The following AGXT2 variants were observed in gnomAD, a reference collection of about 807,000 sequenced individuals.
The protein encoded by AGXT2 is alanine--glyoxylate aminotransferase 2, mitochondrial.
Under a neutral mutation model 62.5 loss-of-function variants are expected in AGXT2, and 61 were observed. The observed-to-expected ratio is 0.98, with a 90% confidence interval of 0.79 to 1.21. The LOEUF (loss-of-function observed/expected upper bound fraction) is 1.21. AGXT2 is among the 50% of genes most tolerant of loss of function. AGXT2 has a pLI of 0.00. For missense variants in AGXT2, 666 were observed against 641.5 expected (o/e 1.04, Z -0.41); for synonymous variants, 243 against 218.7 (o/e 1.11, Z -0.98).
In AGXT2 at chr5:35,035,392, A is replaced by G. The variant is rs572256882; in HGVS notation, c.487-76T>C. 3 of 1,236,656 alleles carry G rather than the reference A, an allele frequency of 2.4e-6. No homozygotes were observed. The South Asian group carries it at 3.6e-5, about 15-fold the overall frequency. 76.6% of individuals were successfully genotyped at this position (1,236,656 alleles called of 1,614,324 possible). On this transcript the variant is annotated intron_variant, in intron 4 of 13. Coordinates refer to ENST00000231420, the MANE Select transcript of AGXT2 (RefSeq NM_031900.4). Reference sequence around the variant, plus strand: ...CATTCACTTAAAATTGCTGAAGGGCAGGTGTCCAGCCCCTGAGTATTAAGG... The same window carrying G: ...CATTCACTTAAAATTGCTGAAGGGCGGGTGTCCAGCCCCTGAGTATTAAGG...
At chr5:35,014,206 C>T (rs1405523107) in intron 9 of AGXT2, 87 bp from the exon 10 acceptor site, 30 of 1,570,986 alleles carry the variant, frequency 1.9e-5, no homozygotes, top group Non-Finnish European at 2.5e-5. Context: ...GTAATCCCAG[C>T]ACTTTAGGAG....
chr5:34,998,916 T>A, intron 13 of AGXT2, 90 bp from the exon 14 acceptor site: 4 of 960,008 alleles, frequency 4.2e-6, no homozygotes, highest in Non-Finnish European at 6.6e-6. Context: ...TCCAAAACCT[T>A]GTGTTTAGGA....
intron 9 of AGXT2, among the ~76,000 whole-genome samples, chr5:35,019,726 A>G (rs1235447663): frequency 6.6e-6 from 1 of 151,364 alleles, no homozygotes. Context: ...ACTAAAATCA[A>G]CAGAACTGAA....
At chr5:35,002,816 G>A (rs776090149) in intron 13 of AGXT2, among the ~76,000 whole-genome samples, 2 of 152,042 alleles carry the variant, frequency 1.3e-5, no homozygotes, top group African/African-American at 2.4e-5. Flanking sequence ...ATAAATGCGG[G>A]GACCGATGAG....
At chr5:35,040,400 C>T (rs553604026) in intron 2 of AGXT2, among the ~76,000 whole-genome samples, 175 bp downstream of exon 2, 21 of 152,294 alleles carry the variant, frequency 1.4e-4, no homozygotes, top group Non-Finnish European at 2.5e-4. Flanking sequence ...TATACACTAG[C>T]ATTAAGGGAT....
intron 7 of AGXT2, among the ~76,000 whole-genome samples, chr5:35,028,560 A>T (rs1483991668): frequency 5.2e-3 from 12 of 2,316 alleles, no homozygotes; most frequent in African/African-American, 1.0e-2. Context: ...AGGAAAGGTG[A>T]GAGAGAGAGA....
intron 9 of AGXT2, among the ~76,000 whole-genome samples, chr5:35,024,179 C>T (rs1383830892): frequency 1.3e-5 from 2 of 152,144 alleles, no homozygotes; most frequent in East Asian, 3.9e-4. Context: ...AGATGTGAGC[C>T]ACTGCGCCCA....
rs543042256 is a variant in AGXT2, at chr5:35,035,425, C to T, written c.487-109G>A. The T allele has an allele frequency of 4.7e-4, 411 of 878,386 alleles. 9 individuals carry two copies. In the South Asian group the frequency reaches 5.4e-3, roughly 11 times the overall value. 54.4% of individuals were successfully genotyped at this position (878,386 alleles called of 1,614,324 possible). A position where few individuals can be genotyped will look rare whatever the true frequency, so the allele number is the denominator to read the frequency against. On this transcript the variant is annotated intron_variant, in intron 4 of 13. Coordinates refer to ENST00000231420, the MANE Select transcript of AGXT2 (RefSeq NM_031900.4). ...AGCCCCTGAGTATTAAGGAGAGTTC[C>T]CTTCAGACCAGCTCGGGTTACCCAG...
chr5:35,022,273 C>A (rs200767603), intron 9 of AGXT2, among the ~76,000 whole-genome samples: 1 of 151,928 alleles, frequency 6.6e-6, no homozygotes, highest in South Asian at 2.1e-4. Flanking sequence ...CACATGCACA[C>A]GTATGTTTAT....
intron 7 of AGXT2, among the ~76,000 whole-genome samples, chr5:35,032,014 G>A (rs966116846): frequency 7.7e-5 from 11 of 142,490 alleles, no homozygotes; most frequent in Non-Finnish European, 1.5e-4. Context: ...GTGCAGTGGC[G>A]TTATCTCAGT....
At chr5:35,012,831 G>T in intron 11 of AGXT2, 123 bp downstream of exon 11, 2 of 943,430 alleles carry the variant, frequency 2.1e-6, no homozygotes, top group Non-Finnish European at 3.4e-6. Context: ...AACTTTAATG[G>T]ATAAACTATG....
intron 4 of AGXT2, 26 bp downstream of exon 4, chr5:35,036,916 C>T (rs1312397221): frequency 5.0e-6 from 8 of 1,613,574 alleles, no homozygotes; most frequent in Non-Finnish European, 6.8e-6. Context: ...CCATAACATT[C>T]ACCTCCTGCA....
At chr5:35,039,655 T>G in intron 2 of AGXT2, 147 bp from the exon 3 acceptor site, 1 of 729,626 alleles carries the variant, frequency 1.4e-6, no homozygotes, top group Non-Finnish European at 2.3e-6. Flanking sequence ...TTACCCAATA[T>G]CGTCCCTGCA....
At chr5:35,040,372 C>G (rs1767938022) in intron 2 of AGXT2, among the ~76,000 whole-genome samples, 1 of 152,204 alleles carries the variant, frequency 6.6e-6, no homozygotes, top group Non-Finnish European at 1.5e-5. Flanking sequence ...CTCTATCTCT[C>G]ACACATGGAC....
At chr5:35,039,590 T>TGTTA in intron 2 of AGXT2, 82 bp from the exon 3 acceptor site, 5 of 1,463,742 alleles carry the variant, frequency 3.4e-6, no homozygotes, top group Non-Finnish European at 4.7e-6. Flanking sequence ...GCCCAGGCTC[T>TGTTA]CTAGTGGACA....
intron 11 of AGXT2, among the ~76,000 whole-genome samples, chr5:35,011,389 G>A (rs1251333808): frequency 2.6e-5 from 4 of 151,194 alleles, no homozygotes; most frequent in Non-Finnish European, 5.9e-5. Flanking sequence ...GAACCTGGGA[G>A]GCAGAGGTTG....
At chr5:35,005,577 C>T (rs1028412215) in intron 12 of AGXT2, among the ~76,000 whole-genome samples, 2 of 151,750 alleles carry the variant, frequency 1.3e-5, no homozygotes, top group Admixed American at 6.6e-5. Context: ...CCCGACCTTG[C>T]TCTGGGCCAG....
intron 9 of AGXT2, among the ~76,000 whole-genome samples, chr5:35,021,676 G>T (rs1246305010): frequency 1.3e-5 from 2 of 152,158 alleles, no homozygotes; most frequent in African/African-American, 4.8e-5. Context: ...AGGACTTCAT[G>T]TCTAAAACGC....
intron 9 of AGXT2, among the ~76,000 whole-genome samples, chr5:35,024,027 G>T (rs948252104): frequency 6.6e-6 from 1 of 151,930 alleles, no homozygotes; most frequent in Non-Finnish European, 1.5e-5. Flanking sequence ...TGAGCAGCTG[G>T]GATTACAGGC....
Sources: gnomAD v4.1 joint callset for allele counts (sites outside exome capture counted in the v4.1 genomes callset) on GRCh38, gnomAD v4.1.1 for gene constraint, MANE v1.5 for transcripts, NCBI Gene and HGNC (gene_info 2026-07-23, HGNC 2026-07-21) for gene names.